MED27: variants seen among roughly 807,000 people sequenced by gnomAD.
MED27 encodes mediator of RNA polymerase II transcription subunit 27.
A neutral mutation model predicts 38.2 loss-of-function variants in MED27; 30 were observed. That is an observed-to-expected ratio of 0.79 (90% confidence interval 0.59 to 1.07). The LOEUF is 1.07. MED27 is among the 50% of genes least tolerant of loss of function. The pLI, the probability that MED27 is intolerant of heterozygous loss-of-function variation, is 0.00. For missense variants in MED27, 289 were observed against 397.5 expected (o/e 0.73, Z 2.32); for synonymous variants, 122 against 153.5 (o/e 0.79, Z 1.52).
chr9:132,047,978 G>A (rs536647114), intron 2 of MED27, among the ~76,000 whole-genome samples: 1 of 152,194 alleles, frequency 6.6e-6, no homozygotes, highest in Admixed American at 6.5e-5. Flanking sequence ...AAGCATGTGG[G>A]AGTTATTTAT....
chr9:132,060,878 A>G (rs1177644198), intron 2 of MED27, among the ~76,000 whole-genome samples: 1 of 152,168 alleles, frequency 6.6e-6, no homozygotes. Context: ...GAACCCACAA[A>G]GCGGAGGTTG....
intron 4 of MED27, among the ~76,000 whole-genome samples, chr9:131,921,414 G>C (rs899241518): frequency 6.6e-6 from 1 of 152,186 alleles, no homozygotes; most frequent in Non-Finnish European, 1.5e-5. Context: ...TCTACTGTAA[G>C]AAAGAGCTTT....
At position 131,971,361 on chromosome 9, in the gene MED27, G is replaced by T. The variant is rs570389199; in HGVS notation, c.480-31887C>A. 1.6e-4 allele frequency among the ~76,000 whole-genome samples: 25 copies of T among 152,356 alleles called. 1 individual carries two copies. The highest frequency in any genetic ancestry group is 6.8e-3 in the Middle Eastern group (2 of 294). ...CAGCGAAGAAGCTTAGCAAGGACAG[G>T]GGGAGAGAGAGGGAGGTGGAAGGCG... On this transcript the variant is annotated intron_variant, in intron 3 of 7. Coordinates refer to ENST00000292035, the MANE Select transcript of MED27 (RefSeq NM_004269.4).
At chr9:131,971,295 G>A (rs1831470114) in intron 3 of MED27, among the ~76,000 whole-genome samples, 1 of 152,234 alleles carries the variant, frequency 6.6e-6, no homozygotes, top group Non-Finnish European at 1.5e-5. Context: ...AACAGAAAGT[G>A]CTGAGGCACA....
At chr9:131,869,817 G>A (rs758678778) in intron 6 of MED27, among the ~76,000 whole-genome samples, 9 of 152,196 alleles carry the variant, frequency 5.9e-5, no homozygotes, top group Non-Finnish European at 2.9e-5. Flanking sequence ...CTCATTTGGG[G>A]TGTGTCCCGT....
At chr9:131,884,019 C>G in intron 6 of MED27, 39 bp downstream of exon 6, 1 of 1,582,686 alleles carries the variant, frequency 6.3e-7, no homozygotes. Flanking sequence ...TCACGTTTTC[C>G]TAATGCCGCT....
At chr9:131,898,666 A>G (rs1311027981) in intron 4 of MED27, among the ~76,000 whole-genome samples, 1 of 151,042 alleles carries the variant, frequency 6.6e-6, no homozygotes, top group African/African-American at 2.4e-5. Flanking sequence ...TGGCTAGTGC[A>G]ACCTCCCTTC....
In MED27 at chr9:131,951,674, G is replaced by A. The variant is rs188189833; in HGVS notation, c.480-12200C>T. On this transcript the variant is annotated intron_variant, in intron 3 of 7. Transcript: ENST00000292035. ...TATGAGAAGTAAAGGAGTGAACACA[G>A]CACATAAAGCACTTAACACAAAATA... Among the ~76,000 whole-genome samples the A allele has an allele frequency of 6.6e-5, 10 of 152,344 alleles. No homozygotes were observed. In the East Asian group the frequency reaches 1.5e-3, roughly 23 times the overall value.
intron 3 of MED27, among the ~76,000 whole-genome samples, chr9:131,952,996 G>A (rs1327456445): frequency 6.6e-6 from 1 of 152,196 alleles, no homozygotes; most frequent in African/African-American, 2.4e-5. Context: ...AACCCTGCTA[G>A]AGTAAGAAAC....
intron 3 of MED27, among the ~76,000 whole-genome samples, chr9:131,971,969 G>A (rs1385093988): frequency 6.6e-6 from 1 of 152,082 alleles, no homozygotes; most frequent in African/African-American, 2.4e-5. Flanking sequence ...TAAGCTTGCA[G>A]ACTACACAGG....
chr9:131,869,362 T>C (rs1589170070), intron 6 of MED27: 3 of 980,150 alleles, frequency 3.1e-6, no homozygotes, highest in South Asian at 4.7e-5. Context: ...TTGCTCAGCA[T>C]CCAAGACTTG....
chr9:131,915,143 G>T (rs1370699363), intron 4 of MED27, among the ~76,000 whole-genome samples: 2 of 152,142 alleles, frequency 1.3e-5, no homozygotes, highest in African/African-American at 4.8e-5. Flanking sequence ...ACAGAGAGGG[G>T]ACAAGACCAA....
intron 3 of MED27, among the ~76,000 whole-genome samples, chr9:131,990,885 T>C (rs1373318260): frequency 6.6e-6 from 1 of 152,208 alleles, no homozygotes; most frequent in Non-Finnish European, 1.5e-5. Flanking sequence ...CACTATGCAC[T>C]AATCAGATAT....
chr9:131,906,932 T>C (rs1215494943), intron 4 of MED27, among the ~76,000 whole-genome samples: 1 of 152,218 alleles, frequency 6.6e-6, no homozygotes, highest in Admixed American at 6.5e-5. Flanking sequence ...CACTCCTTTT[T>C]AGACTATATA....
intron 2 of MED27, among the ~76,000 whole-genome samples, chr9:132,035,447 G>A (rs536170918): frequency 5.9e-5 from 9 of 152,240 alleles, no homozygotes; most frequent in Admixed American, 1.3e-4. Context: ...ACAACATGCA[G>A]GATGTTCAGT....
intron 2 of MED27, among the ~76,000 whole-genome samples, chr9:132,026,855 A>T (rs1478751333): frequency 6.6e-6 from 1 of 152,242 alleles, no homozygotes; most frequent in Non-Finnish European, 1.5e-5. Flanking sequence ...TCATTTAATT[A>T]ATCTGTACAA....
chr9:132,061,553 A>C (rs1217861310), intron 2 of MED27, among the ~76,000 whole-genome samples: 1 of 152,236 alleles, frequency 6.6e-6, no homozygotes, highest in African/African-American at 2.4e-5. Flanking sequence ...GTATTTTAAG[A>C]AGGGTCTAAA....
chr9:131,883,605 C>T lies in MED27; in HGVS notation c.723+453G>A, dbSNP rs942661774. On this transcript the variant is annotated intron_variant, in intron 6 of 7. Coordinates refer to ENST00000292035, the MANE Select transcript of MED27 (RefSeq NM_004269.4). The surrounding 1 kb of genome is among the most constrained non-coding windows in gnomAD (Gnocchi z 4.2). ...CCATCCCTTGGGCACCAGTGGAGAC[C>T]GCTAGGGCTCTGAGAAACCGAGTTT... Among the ~76,000 whole-genome samples, 2 of 152,262 alleles carry T rather than the reference C, an allele frequency of 1.3e-5. No homozygotes were observed. Among genetic ancestry groups the T allele is most frequent in the East Asian group, 1.9e-4 (1 of 5,188 alleles).
At chr9:131,959,878 G>C (rs567450189) in intron 3 of MED27, among the ~76,000 whole-genome samples, 28 of 152,182 alleles carry the variant, frequency 1.8e-4, no homozygotes, top group African/African-American at 6.5e-4. Flanking sequence ...CTATCTAGGG[G>C]GGCCCATTAC....
Sources: allele counts gnomAD v4.1 joint callset (sites outside exome capture counted in the v4.1 genomes callset), GRCh38; gene constraint gnomAD v4.1.1; non-coding constraint Gnocchi (gnomAD v3.1); transcripts MANE v1.5; gene names NCBI Gene and HGNC (gene_info 2026-07-23, HGNC 2026-07-21).